Variants in CDS2 observed in about 807,000 individuals in gnomAD.
CDS2 encodes the protein phosphatidate cytidylyltransferase 2.
A neutral mutation model predicts 59.0 loss-of-function variants in CDS2; 47 were observed. The ratio of observed to expected loss-of-function variants is 0.80; its 90% CI spans 0.63 to 1.02. The LOEUF is 1.02. CDS2 is among the 50% of genes least tolerant of loss of function. CDS2 has a pLI of 0.00. For missense variants in CDS2, 356 were observed against 558.9 expected (o/e 0.64, Z 3.66); for synonymous variants, 207 against 206.4 (o/e 1.00, Z -0.02).
intron 1 of CDS2, among the ~76,000 whole-genome samples, chr20:5,134,806 C>G (rs2090635443): frequency 6.6e-6 from 1 of 152,180 alleles, no homozygotes; most frequent in South Asian, 2.1e-4. Flanking sequence ...CAGGCATGAG[C>G]CACCGTACCC....
chr20:5,188,813 G>A (rs1014640784), intron 10 of CDS2, among the ~76,000 whole-genome samples: 4 of 152,104 alleles, frequency 2.6e-5, no homozygotes, highest in African/African-American at 9.7e-5. Flanking sequence ...GCAAAACCAG[G>A]GGCTTCATCA....
chr20:5,168,662 G>A, intron 1 of CDS2: 1 of 518,056 alleles, frequency 1.9e-6, no homozygotes, highest in South Asian at 1.4e-5. Context: ...GAAGGATGCT[G>A]TCCAGGAAGC....
chr20:5,138,678 G>C (rs1394966637), intron 1 of CDS2, among the ~76,000 whole-genome samples: 1 of 151,836 alleles, frequency 6.6e-6, no homozygotes, highest in African/African-American at 2.4e-5. Flanking sequence ...TAGAGACAGG[G>C]TTTCACCACA....
At position 5,193,235 on chromosome 20, in the gene CDS2, T is replaced by C. The variant is rs1279890634; in HGVS notation, c.*3001T>C. On this transcript the variant is annotated 3_prime_UTR_variant, in exon 13 of 13. Coordinates refer to ENST00000460006, the MANE Select transcript of CDS2 (RefSeq NM_003818.4). The stretch of plus-strand genomic sequence containing the variant: ...TCCATTTATGTTTTACTCCTGAAAG[T>C]GAAACCCTCTTAGGCAACTTGTTTC... 1 of 152,236 alleles carries C rather than the reference T, an allele frequency of 6.6e-6. No individual in the cohort carries two copies. Among genetic ancestry groups the C allele is most frequent in the African/African-American group, 2.4e-5 (1 of 41,470 alleles). 9.4% of individuals were successfully genotyped at this position (152,236 alleles called of 1,614,324 possible). A position where few individuals can be genotyped will look rare whatever the true frequency, so the allele number is the denominator to read the frequency against.
intron 1 of CDS2, among the ~76,000 whole-genome samples, chr20:5,159,028 A>T (rs2090855533): frequency 6.6e-6 from 1 of 152,196 alleles, no homozygotes; most frequent in Non-Finnish European, 1.5e-5. Context: ...GAACAGAAGG[A>T]TAAGCGAGCC....
chr20:5,144,121 G>A (rs1016957697), intron 1 of CDS2, among the ~76,000 whole-genome samples: 2 of 152,092 alleles, frequency 1.3e-5, no homozygotes, highest in African/African-American at 2.4e-5. Context: ...GGATCATATG[G>A]TAATTCTGTT....
At chr20:5,130,757 A>C (rs1345087613) in intron 1 of CDS2, among the ~76,000 whole-genome samples, 1 of 148,126 alleles carries the variant, frequency 6.8e-6, no homozygotes, top group Admixed American at 6.8e-5. Flanking sequence ...CACTCCATCC[A>C]GCCTGGGCAA....
At chr20:5,180,079 G>A (rs1247919686) in intron 5 of CDS2, among the ~76,000 whole-genome samples, 1 of 152,198 alleles carries the variant, frequency 6.6e-6, no homozygotes, top group African/African-American at 2.4e-5. Context: ...TGGGAGGTAA[G>A]GGGTCTGGAA....
chr20:5,128,463 G>T (rs2090574795), intron 1 of CDS2: 1 of 152,176 alleles, frequency 6.6e-6, no homozygotes, highest in African/African-American at 2.4e-5. Flanking sequence ...TATCCAAAGA[G>T]AACTGTTCCT....
chr20:5,149,393 C>G (rs1367788453), intron 1 of CDS2, among the ~76,000 whole-genome samples: 1 of 151,894 alleles, frequency 6.6e-6, no homozygotes, highest in Non-Finnish European at 1.5e-5. Context: ...GAAGTTGGAC[C>G]CTTTGTTACA....
Position 5,189,794 on chromosome 20 carries a change from T to C in CDS2, c.1161T>C (p.Tyr387=). 1 of 1,614,112 alleles carries C rather than the reference T, an allele frequency of 6.2e-7. No individual in the cohort carries two copies. The highest frequency in any genetic ancestry group is 1.1e-5 in the South Asian group (1 of 91,078). The change falls in exon 12 of 13, where the codon TAT becomes TAC. Residue 387 remains tyrosine, a synonymous_variant. Coordinates refer to ENST00000460006, the MANE Select transcript of CDS2 (RefSeq NM_003818.4). ...GGIMDRFDCQ[Y]LMATFVNVYI... ...TCATGGATCGCTTTGACTGCCAGTA[T>C]CTGATGGCCACCTTTGTCAATGTAT... is the stretch of plus-strand genomic sequence containing the variant.
At chr20:5,164,372 G>A (rs995877181) in intron 1 of CDS2, among the ~76,000 whole-genome samples, 8 of 152,090 alleles carry the variant, frequency 5.3e-5, no homozygotes, top group Admixed American at 2.6e-4. Flanking sequence ...TACTTATTTT[G>A]TCTAGGAATC....
chr20:5,162,637 G>A (rs2090883734), intron 1 of CDS2, among the ~76,000 whole-genome samples: 1 of 152,158 alleles, frequency 6.6e-6, no homozygotes, highest in Non-Finnish European at 1.5e-5. Flanking sequence ...AGATACAAAT[G>A]TTGGGGTCAT....
In CDS2 at chr20:5,191,725, C is replaced by T. The variant is rs1433033359; in HGVS notation, c.*1491C>T. ...AGCCCTCGGGATGTTTCAGCTCACA[C>T]ATCCTTGAGTGACTTCCCATATGTG... On this transcript the variant is annotated 3_prime_UTR_variant, in exon 13 of 13. Coordinates refer to ENST00000460006, the MANE Select transcript of CDS2 (RefSeq NM_003818.4). 1 of 152,228 alleles carries T rather than the reference C, an allele frequency of 6.6e-6. No homozygotes were observed. The highest frequency in any genetic ancestry group is 1.5e-5 in the Non-Finnish European group (1 of 68,056). 9.4% of individuals were successfully genotyped at this position (152,228 alleles called of 1,614,324 possible). A position where few individuals can be genotyped will look rare whatever the true frequency, so the allele number is the denominator to read the frequency against.
In CDS2 at chr20:5,173,384, A is replaced by G. The variant is rs553187213; in HGVS notation, c.58-139A>G. Reference sequence around the variant, plus strand: ...TGTCAGGATTGCTGCTAGTCCTGTCAGTCCCATCACCTGACTGTGCCAGGT... The same window carrying G: ...TGTCAGGATTGCTGCTAGTCCTGTCGGTCCCATCACCTGACTGTGCCAGGT... On this transcript the variant is annotated intron_variant, in intron 1 of 12. Transcript: ENST00000460006. 10 of 881,238 alleles carry G rather than the reference A, an allele frequency of 1.1e-5. No individual in the cohort carries two copies. The South Asian group carries it at 1.4e-4, about 13-fold the overall frequency. The allele number at this position is 881,238 out of a possible 1,614,324, so 54.6% of individuals were successfully genotyped here. A position where few individuals can be genotyped will look rare whatever the true frequency, so the allele number is the denominator to read the frequency against.
In CDS2 at chr20:5,185,789, T is replaced by C. The variant is rs751029335; in HGVS notation, c.791T>C (p.Ile264Thr). Reference protein sequence around the residue: ...LSPKKTWEGFIGGFFATVVFG... With the variant: ...LSPKKTWEGFTGGFFATVVFG... ...CCGAAGAAGACCTGGGAAGGCTTCA[T>C]TGGGGGCTTCTTTGCTACTGTGGTG... The change falls in exon 9 of 13, where the codon ATT becomes ACT. Residue 264 changes from isoleucine (I) to threonine (T), a missense_variant. Ile to Thr is a moderately conservative substitution (Grantham distance 89, BLOSUM62 -1). Transcript: ENST00000460006. The C allele has an allele frequency of 3.5e-5, 57 of 1,614,064 alleles. No homozygotes were observed. Among genetic ancestry groups the C allele is most frequent in the Middle Eastern group, 1.6e-4 (1 of 6,082 alleles).
rs2091101839 is a variant in CDS2, at chr20:5,190,118, A to C, written c.1222A>C (p.Lys408Gln). 1 of 1,613,848 alleles carries C rather than the reference A, an allele frequency of 6.2e-7. No homozygotes were observed. The highest frequency in any genetic ancestry group is 8.5e-7 in the Non-Finnish European group (1 of 1,179,880). ...ASFIRGPNPS[K>Q]LIQQFLTLRP... ...CTGTTCCAGAGGCCCTAACCCAAGC[A>C]AACTGATTCAGCAGTTCCTGACTTT... The change falls in exon 13 of 13, where the codon AAA becomes CAA. Residue 408 changes from lysine to glutamine, a missense_variant. Lys to Gln is a moderately conservative substitution (Grantham distance 53). This residue lies in a region of CDS2 where 41 missense variants were observed against 104.4 expected (regional missense o/e 0.39). Transcript: ENST00000460006.
chr20:5,147,622 T>G (rs2122984765), intron 1 of CDS2, among the ~76,000 whole-genome samples: 1 of 152,240 alleles, frequency 6.6e-6, no homozygotes, highest in East Asian at 1.9e-4. Flanking sequence ...CAGGCTGGTC[T>G]CGAACTCCTG....
At chr20:5,168,268 A>G (rs1408928007) in intron 1 of CDS2, among the ~76,000 whole-genome samples, 1 of 151,838 alleles carries the variant, frequency 6.6e-6, no homozygotes, top group East Asian at 1.9e-4. Flanking sequence ...TATAAAAATT[A>G]TCTGGGCGTG....
Sources: gnomAD v4.1 joint callset for allele counts (sites outside exome capture counted in the v4.1 genomes callset) on GRCh38, gnomAD v4.1.1 for gene constraint, gnomAD v4.1.1 regional missense constraint, MANE v1.5 for transcripts, NCBI Gene and HGNC (gene_info 2026-07-23, HGNC 2026-07-21) for gene names.